The following PPARGC1B variants were observed in gnomAD, a reference collection of about 807,000 sequenced individuals.
PPARGC1B encodes the protein peroxisome proliferator-activated receptor gamma coactivator 1-beta.
In PPARGC1B, 34 loss-of-function variants were observed where a neutral mutation model predicts 101.6. That is an observed-to-expected ratio of 0.33 (90% CI 0.25 to 0.45). The LOEUF (loss-of-function observed/expected upper bound fraction) is 0.45. PPARGC1B is among the 20% of genes least tolerant of loss of function. The pLI is 1.00. For synonymous variants in PPARGC1B, 548 were observed against 539.3 expected (o/e 1.02, Z -0.22); for missense variants, 1,234 against 1,317.6 (o/e 0.94, Z 0.98).
chr5:149,737,577 C>G (rs1008738290), intron 1 of PPARGC1B, among the ~76,000 whole-genome samples: 6 of 152,224 alleles, frequency 3.9e-5, no homozygotes, highest in Non-Finnish European at 5.9e-5. Context: ...GAGCACTGAC[C>G]TTGGAATCCC....
chr5:149,756,416 C>A (rs1755522997), intron 1 of PPARGC1B, among the ~76,000 whole-genome samples: 3 of 152,226 alleles, frequency 2.0e-5, no homozygotes, highest in African/African-American at 7.2e-5. Context: ...TGCGGCACTG[C>A]ACTCTAGCCT....
chr5:149,731,932 G>A (rs1276220491), intron 1 of PPARGC1B, among the ~76,000 whole-genome samples: 1 of 152,170 alleles, frequency 6.6e-6, no homozygotes, highest in Non-Finnish European at 1.5e-5. Context: ...GGGCCGCGTG[G>A]TCGGTGGCGG....
intron 1 of PPARGC1B, among the ~76,000 whole-genome samples, chr5:149,793,238 T>C (rs1187644400): frequency 6.6e-6 from 1 of 152,034 alleles, no homozygotes; most frequent in Non-Finnish European, 1.5e-5. Flanking sequence ...GTGGAGGCCA[T>C]GGGGCAGCTC....
rs779075175 is a variant in PPARGC1B, at chr5:149,833,162, G to T, written c.1089G>T (p.Thr363=). ...TCAGCAAACCCTACCGTCTGGCCAC[G>T]CCTGTTTATGCCTCCCTCACACCTC... ...CDVSKPYRLA[T]PVYASLTPRS... Residue 363 remains threonine (T), a synonymous_variant, in exon 5 of 12, where the codon ACG becomes ACT. Coordinates refer to ENST00000309241, the MANE Select transcript of PPARGC1B (RefSeq NM_133263.4). The surrounding 1 kb of genome is among the most constrained non-coding windows in gnomAD (Gnocchi z 4.1). 6.2e-7 allele frequency: 1 copy of T among 1,613,560 alleles called. No individual in the cohort carries two copies. The highest frequency in any genetic ancestry group is 8.5e-7 in the Non-Finnish European group (1 of 1,180,032).
In PPARGC1B at chr5:149,792,594, T is replaced by G. The variant is rs567240281; in HGVS notation, c.79-27839T>G. On this transcript the variant is annotated intron_variant, in intron 1 of 11. Coordinates refer to ENST00000309241, the MANE Select transcript of PPARGC1B (RefSeq NM_133263.4). ...TGGCCGGCGGCACTACTTTTGCTTC[T>G]CTTTTAAATCTTTTTGTGCCTGAGT... Among the ~76,000 whole-genome samples the G allele has an allele frequency of 5.1e-4, 77 of 152,328 alleles. 1 individual carries two copies. In the South Asian group the frequency reaches 0.016, roughly 31 times the overall value.
chr5:149,772,078 C>T, intron 1 of PPARGC1B: 3 of 1,569,500 alleles, frequency 1.9e-6, no homozygotes, highest in Non-Finnish European at 2.6e-6. Context: ...CTCTGAGGGG[C>T]CTGCTCTGAT....
chr5:149,736,486 G>T (rs1393493579), intron 1 of PPARGC1B, among the ~76,000 whole-genome samples: 3 of 152,138 alleles, frequency 2.0e-5, no homozygotes, highest in African/African-American at 7.2e-5. Context: ...CTCCTACAAG[G>T]TAGTCGGAGT....
At chr5:149,790,882 C>G (rs552042084) in intron 1 of PPARGC1B, among the ~76,000 whole-genome samples, 1 of 152,106 alleles carries the variant, frequency 6.6e-6, no homozygotes, top group African/African-American at 2.4e-5. Flanking sequence ...TGGGTCCCTG[C>G]CAGAGATGGA....
At chr5:149,826,303 G>T (rs1758515840) in intron 2 of PPARGC1B, among the ~76,000 whole-genome samples, 1 of 152,172 alleles carries the variant, frequency 6.6e-6, no homozygotes. Flanking sequence ...GCTGCTACCA[G>T]TGTGGTAGGC....
At chr5:149,765,369 G>A (rs898510146) in intron 1 of PPARGC1B, among the ~76,000 whole-genome samples, 1 of 152,202 alleles carries the variant, frequency 6.6e-6, no homozygotes, top group Non-Finnish European at 1.5e-5. Flanking sequence ...GCCCGATGGA[G>A]CAGAACCATC....
chr5:149,753,548 T>TA (rs757460387), intron 1 of PPARGC1B, among the ~76,000 whole-genome samples: 8 of 152,144 alleles, frequency 5.3e-5, no homozygotes, highest in Non-Finnish European at 1.0e-4. Context: ...AAATTTTTTT[T>TA]AACCTACCTC....
intron 2 of PPARGC1B, among the ~76,000 whole-genome samples, chr5:149,823,865 C>T (rs969178404): frequency 6.6e-6 from 1 of 152,190 alleles, no homozygotes; most frequent in African/African-American, 2.4e-5. Flanking sequence ...CTCATTTCAG[C>T]ACCGTGACCG....
At chr5:149,738,674 C>T (rs1195776142) in intron 1 of PPARGC1B, among the ~76,000 whole-genome samples, 1 of 151,908 alleles carries the variant, frequency 6.6e-6, no homozygotes, top group East Asian at 1.9e-4. Flanking sequence ...GCAATCTCGG[C>T]TCACTGCAAC....
At chr5:149,800,230 G>C (rs529761558) in intron 1 of PPARGC1B, among the ~76,000 whole-genome samples, 84 of 152,286 alleles carry the variant, frequency 5.5e-4, no homozygotes, top group African/African-American at 2.0e-3. Flanking sequence ...AGTGTAAACA[G>C]GATCATGTAA....
intron 1 of PPARGC1B, among the ~76,000 whole-genome samples, chr5:149,771,189 C>T (rs545962062): frequency 8.5e-4 from 130 of 152,330 alleles, no homozygotes; most frequent in Non-Finnish European, 1.6e-3. Context: ...TTTCTAAGTG[C>T]CGGCCACCAT....
Position 149,854,581 on chromosome 5 carries a change from TTA to T in PPARGC1B, c.*7029_*7030del. ...ATTTTTTTTAATTGGTAGAGGATTT[TTA>T]TATATTTTTTCCATTTTGTTGGGTT... On this transcript the variant is annotated 3_prime_UTR_variant, in exon 12 of 12. Coordinates refer to ENST00000309241, the MANE Select transcript of PPARGC1B (RefSeq NM_133263.4). 1 of 152,280 alleles carries T rather than the reference TTA, an allele frequency of 6.6e-6. No homozygotes were observed. The highest frequency in any genetic ancestry group is 1.9e-4 in the East Asian group (1 of 5,186). The allele number at this position is 152,280 out of a possible 1,614,324, so 9.4% of individuals were successfully genotyped here.
chr5:149,771,744 C>G (rs770696169), intron 1 of PPARGC1B, among the ~76,000 whole-genome samples: 1 of 152,200 alleles, frequency 6.6e-6, no homozygotes, highest in Non-Finnish European at 1.5e-5. Context: ...GCAGGCAGCA[C>G]TCCACTTGCT....
rs116249522 is a variant in PPARGC1B, at chr5:149,735,507, C to G, written c.78+5087C>G. 2.1e-3 allele frequency among the ~76,000 whole-genome samples: 316 copies of G among 152,302 alleles called. 1 individual carries two copies. Among genetic ancestry groups the G allele is most frequent in the African/African-American group, 7.0e-3 (290 of 41,560 alleles). On this transcript the variant is annotated intron_variant, in intron 1 of 11. Transcript: ENST00000309241. The stretch of plus-strand genomic sequence containing the variant: ...TGTTGATCCTTGCCTTCTCCTTCAT[C>G]GTCATCATCAGTGACGTTTACTGAG...
Position 149,850,013 on chromosome 5 carries a change from T to A in PPARGC1B, c.*2455T>A, listed in dbSNP as rs1299366537. 1 of 152,262 alleles carries A rather than the reference T, an allele frequency of 6.6e-6. No individual in the cohort carries two copies. The highest frequency in any genetic ancestry group is 1.5e-5 in the Non-Finnish European group (1 of 68,048). 9.4% of individuals were successfully genotyped at this position (152,262 alleles called of 1,614,324 possible). On this transcript the variant is annotated 3_prime_UTR_variant, in exon 12 of 12. Transcript: ENST00000309241. The stretch of plus-strand genomic sequence containing the variant: ...CTGCTGCCTCCACTAAGTTAAGTCC[T>A]GATTTACATCAAGGAGAGAACTGAG...
Sources: allele counts gnomAD v4.1 joint callset (sites outside exome capture counted in the v4.1 genomes callset), GRCh38; gene constraint gnomAD v4.1.1; non-coding constraint Gnocchi (gnomAD v3.1); transcripts MANE v1.5; gene names NCBI Gene and HGNC (gene_info 2026-07-23, HGNC 2026-07-21).